CDH19: variants seen among roughly 807,000 people sequenced by gnomAD.
CDH19 encodes cadherin-19.
In CDH19, 67 loss-of-function variants were observed where a neutral mutation model predicts 64.2. The observed-to-expected ratio is 1.04, with a 90% CI of 0.86 to 1.28. CDH19 has a LOEUF of 1.28. Among genes scored for constraint, CDH19 ranks in the 50% most tolerant of loss-of-function variants. CDH19 has a pLI of 0.00. For missense variants in CDH19, 1,030 were observed against 929.0 expected (o/e 1.11, Z -1.41); for synonymous variants, 346 against 319.3 (o/e 1.08, Z -0.89).
At chr18:66,582,910 C>CTTTT (rs1226557323) in intron 1 of CDH19, among the ~76,000 whole-genome samples, 9 of 151,956 alleles carry the variant, frequency 5.9e-5, no homozygotes, top group Admixed American at 5.3e-4. Context: ...ACTGAGTGTG[C>CTTTT]AAAAGTTCTA....
At chr18:66,581,956 T>A (rs1343808596) in intron 1 of CDH19, among the ~76,000 whole-genome samples, 1 of 152,142 alleles carries the variant, frequency 6.6e-6, no homozygotes, top group Non-Finnish European at 1.5e-5. Flanking sequence ...TATTCAGTAA[T>A]TTTAAGTGAC....
chr18:66,534,906 C>G, intron 8 of CDH19, 80 bp downstream of exon 8: 1 of 912,578 alleles, frequency 1.1e-6, no homozygotes, highest in South Asian at 3.3e-5. Context: ...TTTAAAGTAG[C>G]CTTGTCCCCA....
chr18:66,597,162 T>TAACAAA (rs1988920133), intron 1 of CDH19, among the ~76,000 whole-genome samples: 1 of 86,294 alleles, frequency 1.2e-5, no homozygotes, highest in Non-Finnish European at 2.5e-5. Flanking sequence ...AATCTTAAGT[T>TAACAAA]AAAAAAAAAA....
At chr18:66,559,287 A>T (rs935020600) in intron 3 of CDH19, among the ~76,000 whole-genome samples, 3 of 152,088 alleles carry the variant, frequency 2.0e-5, no homozygotes, top group Non-Finnish European at 4.4e-5. Context: ...AAACTTTTTA[A>T]AAATTAAGAA....
chr18:66,511,703 T>C lies in CDH19; in HGVS notation c.1459-18A>G, dbSNP rs746795601. 8.5e-7 allele frequency: 1 copy of C among 1,175,956 alleles called. No individual in the cohort carries two copies. The highest frequency in any genetic ancestry group is 2.4e-5 in the East Asian group (1 of 42,328). 72.8% of individuals were successfully genotyped at this position (1,175,956 alleles called of 1,614,324 possible). A position where few individuals can be genotyped will look rare whatever the true frequency, so the allele number is the denominator to read the frequency against. On this transcript the variant is annotated intron_variant, in intron 9 of 11. Coordinates refer to ENST00000262150, the MANE Select transcript of CDH19 (RefSeq NM_021153.4). Reference sequence around the variant, plus strand: ...TGAATTACCTAAAAAAAAAGGGGGATAGATTTTTGTTGTTGTTTGGATTCA... The same window carrying C: ...TGAATTACCTAAAAAAAAAGGGGGACAGATTTTTGTTGTTGTTTGGATTCA...
intron 7 of CDH19, among the ~76,000 whole-genome samples, chr18:66,539,990 A>G (rs1986826488): frequency 6.6e-6 from 1 of 152,122 alleles, no homozygotes; most frequent in Admixed American, 6.5e-5. Context: ...AGCATTGTTC[A>G]AAGTAGTCCC....
intron 7 of CDH19, among the ~76,000 whole-genome samples, chr18:66,539,378 TA>T (rs1178130129): frequency 6.6e-6 from 1 of 152,140 alleles, no homozygotes; most frequent in Non-Finnish European, 1.5e-5. Flanking sequence ...TAATATTCCA[TA>T]ATTAAGTATA....
At chr18:66,519,392 C>G (rs1431819078) in intron 9 of CDH19, among the ~76,000 whole-genome samples, 1 of 152,024 alleles carries the variant, frequency 6.6e-6, no homozygotes, top group African/African-American at 2.4e-5. Flanking sequence ...AGAGGAGAAG[C>G]TGTATTATTA....
chr18:66,509,260 C>T lies in CDH19; in HGVS notation c.1577-14G>A. 1 of 1,608,966 alleles carries T rather than the reference C, an allele frequency of 6.2e-7. No homozygotes were observed. The highest frequency in any genetic ancestry group is 1.1e-5 in the South Asian group (1 of 90,814). ...CAGCTGTGTTATCTAAAACAAAAAT[C>T]CATGTGCATAATTTTTTCAACTACG... On this transcript the variant is annotated splice_polypyrimidine_tract_variant and intron_variant, in intron 10 of 11. Coordinates refer to ENST00000262150, the MANE Select transcript of CDH19 (RefSeq NM_021153.4).
chr18:66,505,856 A>G (rs1985174545), intron 11 of CDH19, among the ~76,000 whole-genome samples: 1 of 151,856 alleles, frequency 6.6e-6, no homozygotes, highest in South Asian at 2.1e-4. Flanking sequence ...CTTTATATTT[A>G]TTGATTGATT....
intron 1 of CDH19, among the ~76,000 whole-genome samples, chr18:66,597,557 C>G (rs1988933617): frequency 6.6e-6 from 1 of 152,062 alleles, no homozygotes; most frequent in South Asian, 2.1e-4. Context: ...GATTCCATAA[C>G]AGACTCCAAA....
chr18:66,588,271 G>C (rs1290921640), intron 1 of CDH19, among the ~76,000 whole-genome samples: 1 of 152,062 alleles, frequency 6.6e-6, no homozygotes, highest in Non-Finnish European at 1.5e-5. Flanking sequence ...ATCTCCCTGG[G>C]TTTCTGGGAT....
intron 1 of CDH19, among the ~76,000 whole-genome samples, chr18:66,595,512 G>GA (rs55914622): frequency 0.062 from 5,205 of 83,968 alleles, 274 homozygotes; most frequent in African/African-American, 0.13. Flanking sequence ...CGGCCCCACA[G>GA]AAAAAAAAAA....
At chr18:66,586,873 C>A (rs1214046487) in intron 1 of CDH19, among the ~76,000 whole-genome samples, 1 of 151,964 alleles carries the variant, frequency 6.6e-6, no homozygotes, top group Non-Finnish European at 1.5e-5. Context: ...TGCGTATTAC[C>A]TATTGTCTTT....
In CDH19 at chr18:66,521,395, C is replaced by A. The variant is rs1384061381; in HGVS notation, c.1458+8450G>T. Among the ~76,000 whole-genome samples, 3 of 152,176 alleles carry A rather than the reference C, an allele frequency of 2.0e-5. No individual in the cohort carries two copies. The East Asian group carries it at 5.8e-4, about 29-fold the overall frequency. On this transcript the variant is annotated intron_variant, in intron 9 of 11. Transcript: ENST00000262150. ...TTACTACATCAACACGAGGTACTAA[C>A]TTTTATAAAGAACATTTCTTATCAA...
At chr18:66,568,245 T>C (rs1270711576) in intron 3 of CDH19, among the ~76,000 whole-genome samples, 171 bp downstream of exon 3, 1 of 151,810 alleles carries the variant, frequency 6.6e-6, no homozygotes, top group African/African-American at 2.4e-5. Context: ...GTAGTACCCT[T>C]TTCTCAAAAT....
chr18:66,586,731 CTG>C lies in CDH19; in HGVS notation c.-112-14417_-112-14416del, dbSNP rs549564184. Among the ~76,000 whole-genome samples the C allele has an allele frequency of 5.5e-4, 84 of 152,020 alleles. 2 individuals are homozygous for C. The highest frequency in any genetic ancestry group is 2.0e-3 in the African/African-American group (81 of 41,484). Reference sequence around the variant, plus strand: ...TCAATGCTCATTTCAAAAAGGTACTCTGTATTTTTGTGAATTTATTTAAATCT... The same window carrying C: ...TCAATGCTCATTTCAAAAAGGTACTCTATTTTTGTGAATTTATTTAAATCT... On this transcript the variant is annotated intron_variant, in intron 1 of 11. Transcript: ENST00000262150.
intron 7 of CDH19, among the ~76,000 whole-genome samples, chr18:66,540,427 C>T (rs567673914): frequency 6.6e-6 from 1 of 152,196 alleles, no homozygotes; most frequent in African/African-American, 2.4e-5. Context: ...AAGAATAAGG[C>T]AATTGTCTTA....
At chr18:66,556,392 A>C (rs1327071823) in intron 3 of CDH19, among the ~76,000 whole-genome samples, 2 of 151,590 alleles carry the variant, frequency 1.3e-5, no homozygotes, top group Non-Finnish European at 2.9e-5. Flanking sequence ...TACTTATCTG[A>C]TACTTTGTAT....
Sources: gnomAD v4.1 joint callset for allele counts (sites outside exome capture counted in the v4.1 genomes callset) on GRCh38, gnomAD v4.1.1 for gene constraint, MANE v1.5 for transcripts, NCBI Gene and HGNC (gene_info 2026-07-23, HGNC 2026-07-21) for gene names.